Variants in TBC1D4 observed in about 807,000 individuals in gnomAD.
TBC1D4 encodes the protein TBC1 domain family member 4.
Under a neutral mutation model 142.5 loss-of-function variants are expected in TBC1D4, and 121 were observed. The observed-to-expected ratio is 0.85, with a 90% CI of 0.73 to 0.99. TBC1D4 has a LOEUF of 0.99. Ranked by LOEUF, TBC1D4 falls within the 50% of genes least tolerant of loss-of-function variation. TBC1D4 has a pLI of 0.00. For synonymous variants in TBC1D4, 630 were observed against 628.2 expected, an observed-to-expected ratio of 1.00 and a Z score of -0.04; for missense variants, 1,475 against 1,606.6, an observed-to-expected ratio of 0.92 and a Z score of 1.40.
At chr13:75,480,717 C>T (rs1477551665) in intron 1 of TBC1D4, among the ~76,000 whole-genome samples, 5 of 152,220 alleles carry the variant, frequency 3.3e-5, no homozygotes, top group Non-Finnish European at 7.3e-5. Flanking sequence ...CCCTAAGCCC[C>T]GCTCGGAAAT....
chr13:75,480,861 TCGCGCGCACA>T (rs1342117154), intron 1 of TBC1D4, among the ~76,000 whole-genome samples: 3 of 140,832 alleles, frequency 2.1e-5, no homozygotes, highest in African/African-American at 8.2e-5. Flanking sequence ...ATACACGCGC[TCGCGCGCACA>T]CGCACGCACA....
At chr13:75,423,011 T>C (rs1427661967) in intron 1 of TBC1D4, among the ~76,000 whole-genome samples, 3 of 152,178 alleles carry the variant, frequency 2.0e-5, no homozygotes, top group African/African-American at 4.8e-5. Context: ...TTGCATTCGC[T>C]ACTAGTTAGG....
intron 4 of TBC1D4, among the ~76,000 whole-genome samples, chr13:75,350,433 G>A (rs1429491758): frequency 1.3e-5 from 2 of 152,124 alleles, no homozygotes; most frequent in African/African-American, 2.4e-5. Flanking sequence ...ATTCAGTTAC[G>A]TTTTGTTATA....
intron 1 of TBC1D4, among the ~76,000 whole-genome samples, chr13:75,404,513 C>A (rs1593849176): frequency 6.6e-6 from 1 of 152,162 alleles, no homozygotes; most frequent in East Asian, 1.9e-4. Context: ...TCTCAAGAGG[C>A]ATTTTTTTTA....
chr13:75,469,984 C>T (rs1254395491), intron 1 of TBC1D4, among the ~76,000 whole-genome samples: 1 of 152,084 alleles, frequency 6.6e-6, no homozygotes, highest in Non-Finnish European at 1.5e-5. Flanking sequence ...AATGTGGAAG[C>T]CGTCAACAAA....
At chr13:75,417,213 G>A (rs1476253568) in intron 1 of TBC1D4, among the ~76,000 whole-genome samples, 2 of 152,188 alleles carry the variant, frequency 1.3e-5, no homozygotes, top group African/African-American at 2.4e-5. Flanking sequence ...CCCCCTCGCT[G>A]AAATGGGGCT....
chr13:75,360,520 A>G (rs530224080), intron 2 of TBC1D4, among the ~76,000 whole-genome samples: 1,267 of 51,606 alleles, frequency 0.025, 10 homozygotes, highest in Non-Finnish European at 0.05. Context: ...TGGATGACAG[A>G]GCGAGACCCT....
At chr13:75,374,519 CCT>C (rs1420763194) in intron 1 of TBC1D4, among the ~76,000 whole-genome samples, 1 of 152,130 alleles carries the variant, frequency 6.6e-6, no homozygotes, top group Non-Finnish European at 1.5e-5. Context: ...CAAAACACCT[CCT>C]TAGGTCTACA....
intron 1 of TBC1D4, among the ~76,000 whole-genome samples, chr13:75,423,224 T>C (rs998574445): frequency 6.6e-6 from 1 of 152,128 alleles, no homozygotes; most frequent in African/African-American, 2.4e-5. Context: ...ATTTTTAATT[T>C]ATATAGTTCA....
intron 1 of TBC1D4, among the ~76,000 whole-genome samples, chr13:75,420,406 A>G (rs1277668715): frequency 6.6e-6 from 1 of 152,212 alleles, no homozygotes; most frequent in Non-Finnish European, 1.5e-5. Context: ...AAGTCAGCAT[A>G]ATTTTTAGAT....
chr13:75,327,846 T>C lies in TBC1D4; in HGVS notation c.1732-20A>G. The stretch of plus-strand genomic sequence containing the variant: ...AGCTCCCTGAGTGAAAAGAATAAAA[T>C]TAAGTGCTTCGTGTGATTTAAAATT... On this transcript the variant is annotated intron_variant, in intron 8 of 20. Coordinates refer to ENST00000377636, the MANE Select transcript of TBC1D4 (RefSeq NM_014832.5). 6.2e-7 allele frequency: 1 copy of C among 1,613,158 alleles called. No homozygotes were observed. The highest frequency in any genetic ancestry group is 8.5e-7 in the Non-Finnish European group (1 of 1,179,224).
intron 1 of TBC1D4, among the ~76,000 whole-genome samples, chr13:75,385,803 T>G (rs9573535): frequency 0.98 from 149,968 of 152,302 alleles, 73,878 homozygotes; most frequent in East Asian, 1. Context: ...AACTGTCCTA[T>G]ATTCTGCTAA....
chr13:75,350,196 C>T (rs1157975148), intron 4 of TBC1D4, among the ~76,000 whole-genome samples: 1 of 152,170 alleles, frequency 6.6e-6, no homozygotes, highest in Non-Finnish European at 1.5e-5. Flanking sequence ...ACATTGAGCA[C>T]TAAGGGCCTC....
intron 5 of TBC1D4, among the ~76,000 whole-genome samples, chr13:75,343,301 A>C (rs1045369725): frequency 6.6e-6 from 1 of 152,244 alleles, no homozygotes; most frequent in East Asian, 1.9e-4. Context: ...GAAAGCACAC[A>C]GTACTGCCAT....
Position 75,481,780 on chromosome 13 carries a change from A to C in TBC1D4, c.-13T>G. Reference sequence around the variant, plus strand: ...TGGGCGGCTCCATAACTCTCGCCTCACCAGGGCACCGCGGAGGCCGGCCGG... The same window carrying C: ...TGGGCGGCTCCATAACTCTCGCCTCCCCAGGGCACCGCGGAGGCCGGCCGG... On this transcript the variant is annotated 5_prime_UTR_variant, in exon 1 of 21. Transcript: ENST00000377636. The C allele has an allele frequency of 6.5e-7, 1 of 1,527,886 alleles. No homozygotes were observed. Among genetic ancestry groups the C allele is most frequent in the Non-Finnish European group, 8.7e-7 (1 of 1,146,140 alleles). The allele number at this position is 1,527,886 out of a possible 1,614,324, so 94.6% of individuals were successfully genotyped here. A position where few individuals can be genotyped will look rare whatever the true frequency, so the allele number is the denominator to read the frequency against.
chr13:75,411,989 TCTAA>T (rs1367283987), intron 1 of TBC1D4, among the ~76,000 whole-genome samples: 1 of 152,150 alleles, frequency 6.6e-6, no homozygotes, highest in Admixed American at 6.5e-5. Context: ...ATGTCACTAG[TCTAA>T]CTACTACAAA....
intron 3 of TBC1D4, among the ~76,000 whole-genome samples, chr13:75,357,322 G>A (rs892700610): frequency 6.6e-6 from 1 of 152,140 alleles, no homozygotes; most frequent in African/African-American, 2.4e-5. Flanking sequence ...TTCTTGAGGT[G>A]AAAGTAAGCA....
At chr13:75,443,832 T>G (rs1442167050) in intron 1 of TBC1D4, among the ~76,000 whole-genome samples, 2 of 152,188 alleles carry the variant, frequency 1.3e-5, no homozygotes, top group Non-Finnish European at 2.9e-5. Context: ...GTCTTCCACC[T>G]ACCTTGCCAA....
intron 1 of TBC1D4, among the ~76,000 whole-genome samples, chr13:75,385,949 C>A (rs1884141244): frequency 6.6e-6 from 1 of 152,150 alleles, no homozygotes; most frequent in African/African-American, 2.4e-5. Context: ...ATTTCTGTGA[C>A]AGTGTTTGCT....
Sources: allele counts gnomAD v4.1 joint callset (sites outside exome capture counted in the v4.1 genomes callset), GRCh38; gene constraint gnomAD v4.1.1; transcripts MANE v1.5; gene names NCBI Gene and HGNC (gene_info 2026-07-23, HGNC 2026-07-21).